The following SLC39A9 variants were observed in gnomAD, a reference collection of about 807,000 sequenced individuals.
The protein encoded by SLC39A9 is zinc transporter ZIP9.
Under a neutral mutation model 28.4 loss-of-function variants are expected in SLC39A9, and 14 were observed. That is an observed-to-expected ratio of 0.49 (90% CI 0.33 to 0.77). The LOEUF (loss-of-function observed/expected upper bound fraction) is 0.77, where lower values mean the gene tolerates loss of function less well. Among genes scored for constraint, SLC39A9 ranks in the 30% least tolerant of loss-of-function variants. The pLI, the probability that SLC39A9 is intolerant of heterozygous loss-of-function variation, is 0.02. For synonymous variants in SLC39A9, 119 were observed against 149.6 expected, an observed-to-expected ratio of 0.80 and a Z score of 1.49; for missense variants, 283 against 381.1, an observed-to-expected ratio of 0.74 and a Z score of 2.14.
chr14:69,429,595 G>A (rs1171014610), intron 2 of SLC39A9: 1 of 152,214 alleles, frequency 6.6e-6, no homozygotes, highest in East Asian at 1.9e-4. Flanking sequence ...CCTCACACCT[G>A]TAGTCCCAGT....
chr14:69,431,798 T>A (rs968467024), intron 2 of SLC39A9, among the ~76,000 whole-genome samples: 1 of 152,202 alleles, frequency 6.6e-6, no homozygotes, highest in African/African-American at 2.4e-5. Context: ...CACTTGTAAG[T>A]GAGAACATGT....
intron 2 of SLC39A9, among the ~76,000 whole-genome samples, chr14:69,437,102 C>G (rs573252149): frequency 6.6e-6 from 1 of 152,266 alleles, no homozygotes; most frequent in South Asian, 2.1e-4. Flanking sequence ...CTTCTGACCT[C>G]ATGATCCACC....
intron 1 of SLC39A9, among the ~76,000 whole-genome samples, chr14:69,420,780 G>A (rs190791679): frequency 5.3e-5 from 8 of 152,068 alleles, no homozygotes; most frequent in Admixed American, 2.0e-4. Context: ...CCACTTGATC[G>A]AATCAGCTAC....
At chr14:69,449,022 G>T (rs1392952349) in intron 3 of SLC39A9, among the ~76,000 whole-genome samples, 1 of 152,084 alleles carries the variant, frequency 6.6e-6, no homozygotes, top group African/African-American at 2.4e-5. Flanking sequence ...TTTACTGAAG[G>T]TTTAAAATTA....
At chr14:69,407,906 A>T (rs1277289743) in intron 1 of SLC39A9, among the ~76,000 whole-genome samples, 1 of 152,196 alleles carries the variant, frequency 6.6e-6, no homozygotes, top group East Asian at 1.9e-4. Context: ...CTGGGATTAC[A>T]GGCATGAGCC....
chr14:69,434,901 C>T (rs188465244), intron 2 of SLC39A9, among the ~76,000 whole-genome samples: 236 of 152,106 alleles, frequency 1.6e-3, no homozygotes, highest in Middle Eastern at 6.8e-3. Context: ...GTTTTGCCCC[C>T]GATTCTTTCT....
In SLC39A9 at chr14:69,459,636, A is replaced by C. The variant is rs1422595758; in HGVS notation, c.*1043A>C. ...TAAATACTAGGTCAGCTTTGGCGAC[A>C]CTGTGTCTTCTCACATAACCACCTG... On this transcript the variant is annotated 3_prime_UTR_variant, in exon 7 of 7. Transcript: ENST00000336643. 1.0e-6 allele frequency: 1 copy of C among 984,158 alleles called. No homozygotes were observed. The highest frequency in any genetic ancestry group is 1.8e-5 in the African/African-American group (1 of 57,002). The allele number at this position is 984,158 out of a possible 1,614,324, so 61.0% of individuals were successfully genotyped here. A position where few individuals can be genotyped will look rare whatever the true frequency, so the allele number is the denominator to read the frequency against.
At chr14:69,419,045 A>G (rs1594913959) in intron 1 of SLC39A9, among the ~76,000 whole-genome samples, 1 of 152,118 alleles carries the variant, frequency 6.6e-6, no homozygotes, top group South Asian at 2.1e-4. Flanking sequence ...GCCTTCTGCT[A>G]GCTTTTGAAT....
chr14:69,439,062 G>A (rs1053488898), intron 2 of SLC39A9, among the ~76,000 whole-genome samples: 4 of 152,038 alleles, frequency 2.6e-5, no homozygotes, highest in Non-Finnish European at 5.9e-5. Flanking sequence ...AAAAAAATTA[G>A]AACTAATAAA....
chr14:69,452,329 TTTTG>T (rs1885647326), intron 3 of SLC39A9, among the ~76,000 whole-genome samples: 3 of 151,202 alleles, frequency 2.0e-5, no homozygotes, highest in South Asian at 2.1e-4. Flanking sequence ...GTGGTGGGTT[TTTTG>T]TTTGTTTGTT....
rs1457772808 is a variant in SLC39A9, at chr14:69,460,228, G to A, written c.*1635G>A. ...TAAAAACGTTTTCTATGACGCATAA[G>A]CTAGCATGCCTATGATTTATTTCCT... On this transcript the variant is annotated 3_prime_UTR_variant, in exon 7 of 7. Coordinates refer to ENST00000336643, the MANE Select transcript of SLC39A9 (RefSeq NM_018375.5). 7.1e-6 allele frequency: 7 copies of A among 985,738 alleles called. No individual in the cohort carries two copies. The highest frequency in any genetic ancestry group is 8.4e-6 in the Non-Finnish European group (7 of 829,932). The allele number at this position is 985,738 out of a possible 1,614,324, so 61.1% of individuals were successfully genotyped here.
intron 2 of SLC39A9, among the ~76,000 whole-genome samples, chr14:69,433,282 A>G (rs1884582391): frequency 6.6e-6 from 1 of 152,108 alleles, no homozygotes; most frequent in Admixed American, 6.5e-5. Context: ...ACTTGCATAT[A>G]CCCACCTCCT....
At position 69,437,954 on chromosome 14, in the gene SLC39A9, A is replaced by T. The variant is rs1884858797; in HGVS notation, c.206-4115A>T. 2.0e-5 allele frequency among the ~76,000 whole-genome samples: 3 copies of T among 151,608 alleles called. No homozygotes were observed. In the South Asian group the frequency reaches 6.3e-4, roughly 32 times the overall value. On this transcript the variant is annotated intron_variant, in intron 2 of 6. Transcript: ENST00000336643. ...TTTTACATCTTTCTTCATACTGATGAGTTTAGACATATCATTGTAATTTTG... is the reference window on the plus strand; with the variant it reads ...TTTTACATCTTTCTTCATACTGATGTGTTTAGACATATCATTGTAATTTTG...
At position 69,402,318 on chromosome 14, in the gene SLC39A9, C is replaced by A. The variant is rs148708186; in HGVS notation, c.96+2853C>A. 9.9e-5 allele frequency among the ~76,000 whole-genome samples: 15 copies of A among 152,022 alleles called. No homozygotes were observed. The East Asian group carries it at 2.9e-3, about 29-fold the overall frequency. On this transcript the variant is annotated intron_variant, in intron 1 of 6. Coordinates refer to ENST00000336643, the MANE Select transcript of SLC39A9 (RefSeq NM_018375.5). ...ATTCAAAGTGCTCCTGGGTTGCATG[C>A]GGCCCACGAGCCATGAGTTGGACAA...
intron 1 of SLC39A9, among the ~76,000 whole-genome samples, chr14:69,416,338 A>G (rs1167166998): frequency 1.3e-5 from 2 of 152,198 alleles, no homozygotes; most frequent in Admixed American, 6.5e-5. Context: ...TCCATGGTGT[A>G]TATGTGCCAC....
At chr14:69,449,104 G>A (rs565341720) in intron 3 of SLC39A9, among the ~76,000 whole-genome samples, 6 of 152,180 alleles carry the variant, frequency 3.9e-5, no homozygotes, top group East Asian at 3.9e-4. Context: ...GGTCTAGAAC[G>A]GTTTTTAATC....
chr14:69,448,888 AAG>A (rs139131455), intron 3 of SLC39A9, among the ~76,000 whole-genome samples: 18,519 of 152,254 alleles, frequency 0.12, 1,350 homozygotes, highest in Middle Eastern at 0.24. Flanking sequence ...GTTAGAGAAA[AAG>A]AATGTGTGTG....
chr14:69,455,074 C>T (rs1885794919), intron 5 of SLC39A9, among the ~76,000 whole-genome samples, 177 bp downstream of exon 5: 1 of 152,024 alleles, frequency 6.6e-6, no homozygotes, highest in Admixed American at 6.6e-5. Context: ...TTAAGCTTTT[C>T]CTTGAGGGGT....
chr14:69,402,687 A>G (rs1024043167), intron 1 of SLC39A9, among the ~76,000 whole-genome samples: 1 of 152,206 alleles, frequency 6.6e-6, no homozygotes, highest in Non-Finnish European at 1.5e-5. Flanking sequence ...TTATAAAACA[A>G]AGGAAAAAAA....
Sources: allele counts gnomAD v4.1 joint callset (sites outside exome capture counted in the v4.1 genomes callset), GRCh38; gene constraint gnomAD v4.1.1; transcripts MANE v1.5; gene names NCBI Gene and HGNC (gene_info 2026-07-23, HGNC 2026-07-21).